Variants in PLEKHM3 observed in about 807,000 individuals in gnomAD.
PLEKHM3 encodes pleckstrin homology domain-containing family M member 3.
Under a neutral mutation model 81.8 loss-of-function variants are expected in PLEKHM3, and 45 were observed. That is an observed-to-expected ratio of 0.55 (90% CI 0.43 to 0.71). The LOEUF is 0.71. Ranked by LOEUF, PLEKHM3 falls within the 30% of genes least tolerant of loss-of-function variation. PLEKHM3 has a pLI of 0.00. For missense variants in PLEKHM3, 788 were observed against 924.3 expected (o/e 0.85, Z 1.91); for synonymous variants, 352 against 356.4 (o/e 0.99, Z 0.14).
Position 207,977,336 on chromosome 2 carries a change from C to G in PLEKHM3, c.861G>C (p.Gln287His). 6.2e-7 allele frequency: 1 copy of G among 1,614,166 alleles called. No individual in the cohort carries two copies. Among genetic ancestry groups the G allele is most frequent in the South Asian group, 1.1e-5 (1 of 91,086 alleles). Residue 287 changes from glutamine (Q) to histidine (H), a missense_variant, in exon 3 of 8, where the codon CAG becomes CAC. By Grantham distance (24) the Gln-to-His change is conservative. Transcript: ENST00000427836. Reference sequence around the variant, plus strand: ...CCTCCCATGGTGACTCTGCCTTTAGCTGTAGCTGAGTGTTGTCATACAAAA... The same window carrying G: ...CCTCCCATGGTGACTCTGCCTTTAGGTGTAGCTGAGTGTTGTCATACAAAA... ...DTVLYDNTQLQLKAESPWEAL... is the reference protein window; with the variant it reads ...DTVLYDNTQLHLKAESPWEAL...
chr2:207,895,943 T>C (rs948866578), intron 6 of PLEKHM3, among the ~76,000 whole-genome samples: 5 of 152,252 alleles, frequency 3.3e-5, no homozygotes, highest in East Asian at 1.9e-4. Flanking sequence ...GTTGAAATAG[T>C]TGACCTTTGG....
At chr2:207,949,136 ATT>A (rs923917780) in intron 3 of PLEKHM3, among the ~76,000 whole-genome samples, 6 of 152,230 alleles carry the variant, frequency 3.9e-5, no homozygotes, top group African/African-American at 4.8e-5. Flanking sequence ...TTCCGTAGTG[ATT>A]CCAAAACTGA....
At position 207,843,022 on chromosome 2, in the gene PLEKHM3, C is replaced by T. The variant is rs2092363092; in HGVS notation, c.2109-14526G>A. Among the ~76,000 whole-genome samples the T allele has an allele frequency of 6.6e-6, 1 of 152,214 alleles. No individual in the cohort carries two copies. The highest frequency in any genetic ancestry group is 6.5e-5 in the Admixed American group (1 of 15,286). ...AGTGCAGTGGTGTGATCACGGCTCA[C>T]TGCAACCTCCGCCTCCTAGGCTCAA... On this transcript the variant is annotated intron_variant, in intron 7 of 7. Coordinates refer to ENST00000427836, the MANE Select transcript of PLEKHM3 (RefSeq NM_001080475.3). This position sits in a 1 kb window ranked among gnomAD's most constrained non-coding sequence, Gnocchi z 4.4.
intron 7 of PLEKHM3, among the ~76,000 whole-genome samples, chr2:207,845,635 C>CT (rs1405049056): frequency 1.3e-5 from 2 of 152,154 alleles, no homozygotes; most frequent in East Asian, 3.8e-4. Context: ...AGTCACATAT[C>CT]TCGGTAATGC....
chr2:207,858,579 C>G (rs980376817), intron 7 of PLEKHM3, among the ~76,000 whole-genome samples: 1 of 151,306 alleles, frequency 6.6e-6, no homozygotes, highest in African/African-American at 2.4e-5. Context: ...CTTCCGGGTT[C>G]AAGCGATTCC....
chr2:207,854,272 G>A (rs1002013934), intron 7 of PLEKHM3, among the ~76,000 whole-genome samples: 2 of 152,210 alleles, frequency 1.3e-5, no homozygotes, highest in East Asian at 3.9e-4. Context: ...ATATGCAAAA[G>A]TAGAGAGAAT....
At chr2:207,923,865 A>ACACACACGCACGCACACACACACACC (rs1689275348) in intron 5 of PLEKHM3, among the ~76,000 whole-genome samples, 1 of 32,070 alleles carries the variant, frequency 3.1e-5, no homozygotes, top group Non-Finnish European at 7.1e-5. Flanking sequence ...GCACACACAC[A>ACACACACGCACGCACACACACACACC]CACACACACA....
chr2:207,865,801 A>AAAAAAAAAAATATATATATATATATATAT, intron 6 of PLEKHM3, among the ~76,000 whole-genome samples: 1 of 25,300 alleles, frequency 4.0e-5, no homozygotes, highest in Non-Finnish European at 7.6e-5. Flanking sequence ...AAAAAAAAAA[A>AAAAAAAAAAATATATATATATATATATAT]AGATATATAT....
chr2:207,868,362 G>A (rs1269799388), intron 6 of PLEKHM3, among the ~76,000 whole-genome samples: 3 of 152,092 alleles, frequency 2.0e-5, no homozygotes, highest in African/African-American at 4.8e-5. Context: ...ACTCATTAGG[G>A]AGTCTCCCAG....
At chr2:207,905,559 G>A (rs1688575180) in intron 6 of PLEKHM3, among the ~76,000 whole-genome samples, 1 of 152,214 alleles carries the variant, frequency 6.6e-6, no homozygotes, top group South Asian at 2.1e-4. Flanking sequence ...TAGAAACCAA[G>A]GAAAGATGAA....
At chr2:207,842,028 C>A (rs566473752) in intron 7 of PLEKHM3, among the ~76,000 whole-genome samples, 14 of 152,334 alleles carry the variant, frequency 9.2e-5, no homozygotes, top group Non-Finnish European at 1.8e-4. Flanking sequence ...AGCTCCGCCT[C>A]CCGGGTTCAG....
chr2:207,984,664 A>G (rs1449553210), intron 2 of PLEKHM3, among the ~76,000 whole-genome samples: 1 of 152,230 alleles, frequency 6.6e-6, no homozygotes, highest in African/African-American at 2.4e-5. Flanking sequence ...AACAGGCATG[A>G]GCCACTGCGC....
chr2:207,898,751 C>A (rs555324186), intron 6 of PLEKHM3, among the ~76,000 whole-genome samples: 2 of 152,052 alleles, frequency 1.3e-5, no homozygotes, highest in South Asian at 4.2e-4. Context: ...AAAAATCAGC[C>A]GTAGCGTGGT....
intron 5 of PLEKHM3, among the ~76,000 whole-genome samples, chr2:207,921,147 CA>C (rs1689169410): frequency 6.6e-6 from 1 of 152,120 alleles, no homozygotes; most frequent in African/African-American, 2.4e-5. Context: ...CTCCTGGGTT[CA>C]AGTGATTCTC....
intron 4 of PLEKHM3, among the ~76,000 whole-genome samples, chr2:207,941,056 T>C (rs1689924223): frequency 6.6e-6 from 1 of 152,160 alleles, no homozygotes; most frequent in Admixed American, 6.5e-5. Context: ...TTTGGATGAT[T>C]ATTGGGTAGA....
chr2:207,838,414 C>T (rs1180256930), intron 7 of PLEKHM3, among the ~76,000 whole-genome samples: 1 of 152,208 alleles, frequency 6.6e-6, no homozygotes, highest in Non-Finnish European at 1.5e-5. Flanking sequence ...CAGCTAAATA[C>T]CTTTGACAAA....
At chr2:207,895,708 C>T (rs982246552) in intron 6 of PLEKHM3, among the ~76,000 whole-genome samples, 5 of 152,140 alleles carry the variant, frequency 3.3e-5, no homozygotes, top group Admixed American at 1.3e-4. Context: ...TGGTGCTGCC[C>T]GTTTTAGGAG....
rs1416996332 is a variant in PLEKHM3, at chr2:207,823,921, G to A, written c.*4398C>T. The A allele has an allele frequency of 6.6e-6, 1 of 152,198 alleles. No individual in the cohort carries two copies. The highest frequency in any genetic ancestry group is 2.4e-5 in the African/African-American group (1 of 41,456). 9.4% of individuals were successfully genotyped at this position (152,198 alleles called of 1,614,324 possible). A position where few individuals can be genotyped will look rare whatever the true frequency, so the allele number is the denominator to read the frequency against. On this transcript the variant is annotated 3_prime_UTR_variant, in exon 8 of 8. Transcript: ENST00000427836. ...TTTTGAATCCAATGAAATTAGAATCGTCTACCAATAAGGAGACTACTGGGT... is the reference window on the plus strand; with the variant it reads ...TTTTGAATCCAATGAAATTAGAATCATCTACCAATAAGGAGACTACTGGGT...
In PLEKHM3 at chr2:207,972,732, G is replaced by A. The variant is rs116537455; in HGVS notation, c.1546+3919C>T. On this transcript the variant is annotated intron_variant, in intron 3 of 7. Transcript: ENST00000427836. ...CAAGTACACATTTAAGAAATATACCGTTATGTATCAGCATATATTTTTAAA... is the reference window on the plus strand; with the variant it reads ...CAAGTACACATTTAAGAAATATACCATTATGTATCAGCATATATTTTTAAA... Among the ~76,000 whole-genome samples, 702 of 152,128 alleles carry A rather than the reference G, an allele frequency of 4.6e-3. 7 individuals are homozygous for A. The highest frequency in any genetic ancestry group is 0.016 in the African/African-American group (664 of 41,490).
Sources: gnomAD v4.1 joint callset for allele counts (sites outside exome capture counted in the v4.1 genomes callset) on GRCh38, gnomAD v4.1.1 for gene constraint, Gnocchi (gnomAD v3.1) non-coding constraint, MANE v1.5 for transcripts, NCBI Gene and HGNC (gene_info 2026-07-23, HGNC 2026-07-21) for gene names.